The following HGS variants were observed in gnomAD, a reference collection of about 807,000 sequenced individuals.
HGS encodes hepatocyte growth factor-regulated tyrosine kinase substrate.
HGS carries 63 observed loss-of-function variants against 109.7 expected under a neutral mutation model. The observed-to-expected ratio is 0.57, with a 90% CI of 0.47 to 0.71. The LOEUF (loss-of-function observed/expected upper bound fraction) is 0.71. Ranked by LOEUF, HGS falls within the 30% of genes least tolerant of loss-of-function variation. HGS has a pLI of 0.00. For synonymous variants in HGS, 546 were observed against 437.3 expected (o/e 1.25, Z -3.10); for missense variants, 995 against 1,068.3 (o/e 0.93, Z 0.96).
chr17:81,693,922 C>T lies in HGS; in HGVS notation c.893C>T (p.Ala298Val). The change falls in exon 11 of 22, where the codon GCC becomes GTC. Residue 298 changes from alanine (A) to valine (V), a missense_variant. This residue lies in a region of HGS where 300 missense variants were observed against 235.4 expected (regional missense o/e 1.27). Coordinates refer to ENST00000329138, the MANE Select transcript of HGS (RefSeq NM_004712.5). ...CCCAAGGCGGAGCCCATGCCCTCGG[C>T]CTCCTCAGCGCCCCCCGCCAGCAGC... ...SYPKAEPMPSASSAPPASSLY... is the reference protein window; with the variant it reads ...SYPKAEPMPSVSSAPPASSLY... The T allele has an allele frequency of 6.2e-7, 1 of 1,611,700 alleles. No homozygotes were observed. The highest frequency in any genetic ancestry group is 1.7e-4 in the Middle Eastern group (1 of 6,054).
intron 8 of HGS, 44 bp from the exon 9 acceptor site, chr17:81,693,459 C>T (rs778689829): frequency 1.2e-4 from 177 of 1,442,724 alleles, no homozygotes; most frequent in Non-Finnish European, 1.7e-4. Context: ...GGGGGCAGGG[C>T]GGTGTCAGCG....
intron 20 of HGS, 29 bp downstream of exon 20, chr17:81,700,843 G>T (rs1448010527): frequency 9.4e-6 from 15 of 1,598,546 alleles, no homozygotes; most frequent in Non-Finnish European, 1.3e-5. Context: ...CCTGCTGGGG[G>T]CCAGGGTGGG....
rs762551677 is a variant in HGS, at chr17:81,693,558, A to G, written c.718A>G (p.Ser240Gly). The change falls in exon 9 of 22, where the codon AGC (serine) becomes GGC (glycine). Residue 240 changes from serine (S) to glycine (G), a missense_variant. Around this residue, in one of 6 missense-constraint regions of HGS, gnomAD observed 300 missense variants for 235.4 expected, o/e 1.27. Coordinates refer to ENST00000329138, the MANE Select transcript of HGS (RefSeq NM_004712.5). ...TTELPPEYLT[S>G]PLSQQSQLPP... ...TGAGCTGCCCCCCGAGTACCTGACC[A>G]GCCCCCTGTCTCAGCAGTCCCAGGT... The G allele has an allele frequency of 9.9e-6, 16 of 1,612,164 alleles. No homozygotes were observed. The highest frequency in any genetic ancestry group is 2.2e-5 in the East Asian group (1 of 44,862).
intron 1 of HGS, chr17:81,684,813 G>C (rs531209969): frequency 1.3e-6 from 1 of 755,420 alleles, no homozygotes; most frequent in Admixed American, 6.3e-5. Flanking sequence ...TGTCAAGTAG[G>C]GTTTTCAAGG....
intron 4 of HGS, among the ~76,000 whole-genome samples, chr17:81,688,245 G>A (rs111397673): frequency 0.02 from 3,051 of 152,242 alleles, 33 homozygotes; most frequent in Non-Finnish European, 0.025. Flanking sequence ...TCTGGAGCCC[G>A]CTCTGAATTT....
Position 81,701,635 on chromosome 17 carries a change from G to T in HGS, c.*17G>T. ...TTCGACTGACCCAGGCCATGCTCAC[G>T]TCCGGAGTAACACTACATACAGTTC... On this transcript the variant is annotated 3_prime_UTR_variant, in exon 22 of 22. Transcript: ENST00000329138. 1 of 1,543,342 alleles carries T rather than the reference G, an allele frequency of 6.5e-7. No individual in the cohort carries two copies. Among genetic ancestry groups the T allele is most frequent in the Non-Finnish European group, 8.7e-7 (1 of 1,150,308 alleles).
At chr17:81,686,866 C>T (rs2036987415) in intron 3 of HGS, 137 bp from the exon 4 acceptor site, 7 of 670,972 alleles carry the variant, frequency 1.0e-5, no homozygotes, top group Non-Finnish European at 1.3e-5. Context: ...GCTCTGCTGT[C>T]CCACCGGGTT....
chr17:81,697,352 C>A (rs991011961), intron 18 of HGS: 1 of 87,948 alleles, frequency 1.1e-5, no homozygotes, highest in East Asian at 7.1e-4. Flanking sequence ...GGCATTTGCC[C>A]CCCCCCCCCC....
Position 81,690,761 on chromosome 17 carries a change from G to T in HGS, c.537+19G>T. On this transcript the variant is annotated intron_variant, in intron 7 of 21. Coordinates refer to ENST00000329138, the MANE Select transcript of HGS (RefSeq NM_004712.5). The stretch of plus-strand genomic sequence containing the variant: ...CCGTAAGGTGAGTTCCCACCTGGGG[G>T]GCTCTACAGCCCCGGCCAGACACCA... 2 of 1,607,984 alleles carry T rather than the reference G, an allele frequency of 1.2e-6. No individual in the cohort carries two copies. The highest frequency in any genetic ancestry group is 1.7e-6 in the Non-Finnish European group (2 of 1,176,674).
intron 4 of HGS, among the ~76,000 whole-genome samples, chr17:81,687,543 C>G (rs1023023446): frequency 1.3e-5 from 2 of 152,150 alleles, no homozygotes; most frequent in African/African-American, 2.4e-5. Flanking sequence ...CTTGTAAGAT[C>G]GGATGTGTCT....
At chr17:81,687,346 C>T (rs73354122) in intron 4 of HGS, among the ~76,000 whole-genome samples, 4,698 of 152,236 alleles carry the variant, frequency 0.031, 271 homozygotes, top group African/African-American at 0.11. Flanking sequence ...AAGGTGACAG[C>T]GACCCTGGGG....
chr17:81,690,812 C>T (rs1057195493), intron 7 of HGS, 70 bp downstream of exon 7: 52 of 1,378,402 alleles, frequency 3.8e-5, no homozygotes, highest in Admixed American at 2.2e-4. Flanking sequence ...ACAAGGCCAC[C>T]GTCCCTGCTG....
chr17:81,700,168 A>C (rs564103310), intron 18 of HGS, among the ~76,000 whole-genome samples: 104 of 152,018 alleles, frequency 6.8e-4, no homozygotes, highest in Non-Finnish European at 1.3e-3. Flanking sequence ...AGATCAAGAC[A>C]ATCCTGGCCA....
At position 81,688,686 on chromosome 17, in the gene HGS, C is replaced by T. The variant is rs1027272769; in HGVS notation, c.292-18C>T. The T allele has an allele frequency of 6.2e-6, 10 of 1,612,944 alleles. No individual in the cohort carries two copies. In the Middle Eastern group the frequency reaches 4.9e-4, roughly 80 times the overall value. The stretch of plus-strand genomic sequence containing the variant: ...CTGGAGTGTCCTGCGACCCTCACCC[C>T]CTTCTCCCTGCCTGCAGAGACAAGT... On this transcript the variant is annotated intron_variant, in intron 4 of 21. Coordinates refer to ENST00000329138, the MANE Select transcript of HGS (RefSeq NM_004712.5).
At chr17:81,696,779 T>C (rs749663462) in intron 17 of HGS, 32 bp downstream of exon 17, 3 of 1,602,746 alleles carry the variant, frequency 1.9e-6, no homozygotes, top group South Asian at 1.1e-5. Flanking sequence ...CCCAGAGGCT[T>C]GTGGGCTGAG....
rs539019295 is a variant in HGS, at chr17:81,687,522, C to T, written c.291+427C>T. On this transcript the variant is annotated intron_variant, in intron 4 of 21. Transcript: ENST00000329138. Reference sequence around the variant, plus strand: ...CCACAGGCAGGGGCCTGGGAGGGCTCTGAGCGGGGGCTTGTAAGATCGGAT... The same window carrying T: ...CCACAGGCAGGGGCCTGGGAGGGCTTTGAGCGGGGGCTTGTAAGATCGGAT... Among the ~76,000 whole-genome samples, 85 of 152,244 alleles carry T rather than the reference C, an allele frequency of 5.6e-4. 1 individual carries two copies. The South Asian group carries it at 0.017, about 30-fold the overall frequency.
In HGS at chr17:81,686,996, T is replaced by G; in HGVS notation, c.199-7T>G. On this transcript the variant is annotated splice_polypyrimidine_tract_variant and splice_region_variant and intron_variant, in intron 3 of 21. Transcript: ENST00000329138. ...GGCCCAACCCTTCCCTTCCTGGGCA[T>G]CTGCAGGTCATGGAATCTGTGGTAA... is the stretch of plus-strand genomic sequence containing the variant. 1 of 1,611,794 alleles carries G rather than the reference T, an allele frequency of 6.2e-7. No individual in the cohort carries two copies. Among genetic ancestry groups the G allele is most frequent in the Non-Finnish European group, 8.5e-7 (1 of 1,179,074 alleles).
intron 18 of HGS, 90 bp downstream of exon 18, chr17:81,697,088 G>C: frequency 2.2e-6 from 3 of 1,379,520 alleles, no homozygotes; most frequent in Non-Finnish European, 2.9e-6. Context: ...ATGGTGCGAA[G>C]GGTTTTCCCA....
chr17:81,685,366 G>A (rs1371978592), intron 1 of HGS, among the ~76,000 whole-genome samples: 5 of 152,196 alleles, frequency 3.3e-5, no homozygotes, highest in Non-Finnish European at 1.5e-5. Context: ...CCTCGCTCGC[G>A]GGTTGTGGGA....
Sources: gnomAD v4.1 joint callset for allele counts (sites outside exome capture counted in the v4.1 genomes callset) on GRCh38, gnomAD v4.1.1 for gene constraint, gnomAD v4.1.1 regional missense constraint, MANE v1.5 for transcripts, NCBI Gene and HGNC (gene_info 2026-07-23, HGNC 2026-07-21) for gene names.